Variants in ASCC2 observed in about 807,000 individuals in gnomAD.
ASCC2 encodes ASC-1 complex subunit P100.
Under a neutral mutation model 93.5 loss-of-function variants are expected in ASCC2, and 42 were observed. That is an observed-to-expected ratio of 0.45 (90% CI 0.35 to 0.58). The LOEUF (loss-of-function observed/expected upper bound fraction) is 0.58, where lower values mean the gene tolerates loss of function less well. Ranked by LOEUF, ASCC2 falls within the 20% of genes least tolerant of loss-of-function variation. The probability of loss-of-function intolerance (pLI) is 0.00; values close to 1 mark genes in which losing one functional copy is unlikely to be tolerated. For synonymous variants in ASCC2, 364 were observed against 384.2 expected (o/e 0.95, Z 0.62); for missense variants, 859 against 977.6 (o/e 0.88, Z 1.62).
chr22:29,814,822 C>T (rs964122311), intron 6 of ASCC2, 55 bp from the exon 7 acceptor site: 2 of 1,444,018 alleles, frequency 1.4e-6, no homozygotes, highest in African/African-American at 2.9e-5. Context: ...GGCTAGGACC[C>T]CTGGCAGCAG....
chr22:29,789,238 G>A (rs946901637), intron 19 of ASCC2, 54 bp from the exon 20 acceptor site: 66 of 1,605,412 alleles, frequency 4.1e-5, no homozygotes, highest in Non-Finnish European at 5.2e-5. Flanking sequence ...AGAGGCTCTG[G>A]CGGGAGAGCC....
chr22:29,795,785 A>G (rs2058354216), intron 15 of ASCC2, among the ~76,000 whole-genome samples: 1 of 152,048 alleles, frequency 6.6e-6, no homozygotes, highest in Non-Finnish European at 1.5e-5. Context: ...CTGTGAAAAA[A>G]CCTGGCTTGT....
intron 2 of ASCC2, chr22:29,827,492 G>A (rs2062519086): frequency 2.7e-5 from 12 of 451,816 alleles, no homozygotes; most frequent in South Asian, 1.8e-4. Context: ...TTTCCAAACT[G>A]TAGAGCCTGT....
At chr22:29,824,785 T>C (rs2062080355) in intron 4 of ASCC2, among the ~76,000 whole-genome samples, 1 of 152,078 alleles carries the variant, frequency 6.6e-6, no homozygotes, top group Non-Finnish European at 1.5e-5. Flanking sequence ...GTACACAAGT[T>C]CCTTTAAGAA....
chr22:29,832,214 C>G, intron 2 of ASCC2, 31 bp downstream of exon 2: 1 of 1,570,874 alleles, frequency 6.4e-7, no homozygotes, highest in Non-Finnish European at 8.8e-7. Flanking sequence ...CTGACAATAT[C>G]AGGCTGAATG....
At chr22:29,832,425 C>T in intron 1 of ASCC2, 83 bp from the exon 2 acceptor site, 1 of 1,098,050 alleles carries the variant, frequency 9.1e-7, no homozygotes, top group Non-Finnish European at 1.3e-6. Flanking sequence ...ATCCCAGAGT[C>T]AGAAGAGAAG....
At chr22:29,798,443 C>G (rs539799583) in intron 15 of ASCC2, among the ~76,000 whole-genome samples, 1 of 152,292 alleles carries the variant, frequency 6.6e-6, no homozygotes, top group South Asian at 2.1e-4. Context: ...GAAACAGCTG[C>G]AGCCCCTCTG....
intron 8 of ASCC2, among the ~76,000 whole-genome samples, chr22:29,811,970 A>G (rs553013349): frequency 6.6e-6 from 1 of 152,350 alleles, no homozygotes; most frequent in East Asian, 1.9e-4. Context: ...TTTTATCATG[A>G]GAAAAGATAC....
intron 8 of ASCC2, among the ~76,000 whole-genome samples, chr22:29,808,808 T>C (rs112001158): frequency 1.8e-5 from 2 of 109,904 alleles, no homozygotes; most frequent in African/African-American, 8.2e-5. Flanking sequence ...AGACCCTATC[T>C]CAAAAAAAAA....
In ASCC2 at chr22:29,814,683, A is replaced by T; in HGVS notation, c.694T>A (p.Leu232Met). 1 of 1,605,182 alleles carries T rather than the reference A, an allele frequency of 6.2e-7. No individual in the cohort carries two copies. The highest frequency in any genetic ancestry group is 8.5e-7 in the Non-Finnish European group (1 of 1,176,582). Residue 232 changes from leucine (L) to methionine (M), a missense_variant, in exon 7 of 20, where the codon TTG (leucine) becomes ATG (methionine). Transcript: ENST00000307790. Reference protein sequence around the residue: ...TPQKLEERGRLTPSDMPLLEL... With the variant: ...TPQKLEERGRMTPSDMPLLEL... ...AGGAGAGGCATGTCACTGGGGGTCAATCGGCCCCTCTCCTCAAGCTTCTGG... is the reference window on the plus strand; with the variant it reads ...AGGAGAGGCATGTCACTGGGGGTCATTCGGCCCCTCTCCTCAAGCTTCTGG...
chr22:29,807,665 AT>A (rs776212441), intron 9 of ASCC2, among the ~76,000 whole-genome samples: 3 of 151,766 alleles, frequency 2.0e-5, no homozygotes, highest in South Asian at 4.2e-4. Context: ...GAGAACATAT[AT>A]TTTTTTTAAT....
Position 29,822,515 on chromosome 22 carries a change from A to C in ASCC2, c.412-51T>G. 1.9e-6 allele frequency: 3 copies of C among 1,599,222 alleles called. No individual in the cohort carries two copies. In the South Asian group the frequency reaches 3.3e-5, roughly 18 times the overall value. On this transcript the variant is annotated intron_variant, in intron 4 of 19. Coordinates refer to ENST00000307790, the MANE Select transcript of ASCC2 (RefSeq NM_032204.5). ...ATAGAGATTTTCTGAACACTCCTAC[A>C]TTATAAATAGCAAACTCATGAGAAA...
At chr22:29,793,776 C>T in intron 15 of ASCC2, 100 bp from the exon 16 acceptor site, 5 of 1,107,510 alleles carry the variant, frequency 4.5e-6, no homozygotes, top group Non-Finnish European at 6.5e-6. Flanking sequence ...TGCTCCAGCC[C>T]TCAGACTGTC....
At chr22:29,802,558 T>C (rs991001219) in intron 13 of ASCC2, among the ~76,000 whole-genome samples, 2 of 152,078 alleles carry the variant, frequency 1.3e-5, no homozygotes, top group African/African-American at 4.8e-5. Flanking sequence ...CCCAGCACTT[T>C]GGGAGGCTGA....
chr22:29,832,199 C>T (rs374662374), intron 2 of ASCC2, 46 bp downstream of exon 2: 191 of 1,523,888 alleles, frequency 1.3e-4, no homozygotes, highest in Non-Finnish European at 1.7e-4. Flanking sequence ...CCTGAAATTG[C>T]AAGACTGACA....
chr22:29,832,574 A>G, intron 1 of ASCC2: 2 of 359,816 alleles, frequency 5.6e-6, no homozygotes, highest in Non-Finnish European at 1.0e-5. Context: ...GACTTCTGAT[A>G]TATTTCCACC....
intron 4 of ASCC2, 137 bp downstream of exon 4, chr22:29,824,950 C>A: frequency 1.1e-6 from 1 of 893,880 alleles, no homozygotes; most frequent in South Asian, 3.5e-5. Context: ...GATTTCTTCC[C>A]CAACAGTGGG....
chr22:29,796,211 C>T (rs2058416872), intron 15 of ASCC2, among the ~76,000 whole-genome samples: 1 of 152,028 alleles, frequency 6.6e-6, no homozygotes, highest in African/African-American at 2.4e-5. Flanking sequence ...CGGGTTCAAG[C>T]GATTCTCCTG....
chr22:29,789,090 T>C lies in ASCC2; in HGVS notation c.2197A>G (p.Asn733Asp). 1 of 1,614,214 alleles carries C rather than the reference T, an allele frequency of 6.2e-7. No individual in the cohort carries two copies. The highest frequency in any genetic ancestry group is 8.5e-7 in the Non-Finnish European group (1 of 1,180,028). The change falls in exon 20 of 20, where the codon AAC becomes GAC. Residue 733 changes from asparagine (N) to aspartate (D), a missense_variant. Asn to Asp is a conservative substitution (Grantham distance 23, BLOSUM62 1). Transcript: ENST00000307790. ...TTQERRKKEANKATRANHNRR... is the reference protein window; with the variant it reads ...TTQERRKKEADKATRANHNRR... Reference sequence around the variant, plus strand: ...TTGTGGTTGGCTCTTGTCGCCTTGTTGGCTTCCTTCTTCCTGCGTTCCTGG... The same window carrying C: ...TTGTGGTTGGCTCTTGTCGCCTTGTCGGCTTCCTTCTTCCTGCGTTCCTGG...
Sources: gnomAD v4.1 joint callset for allele counts (sites outside exome capture counted in the v4.1 genomes callset) on GRCh38, gnomAD v4.1.1 for gene constraint, MANE v1.5 for transcripts, NCBI Gene and HGNC (gene_info 2026-07-23, HGNC 2026-07-21) for gene names.